MCF2L2: variants seen among roughly 807,000 people sequenced by gnomAD.
MCF2L2 encodes MCF.2 cell line derived transforming sequence-like 2, also known as probable guanine nucleotide exchange factor MCF2L2.
In MCF2L2, 102 loss-of-function variants were observed where a neutral mutation model predicts 150.2. The ratio of observed to expected loss-of-function variants is 0.68; its 90% CI spans 0.58 to 0.80. MCF2L2 has a LOEUF of 0.80. Ranked by LOEUF, MCF2L2 falls within the 30% of genes least tolerant of loss-of-function variation. The probability of loss-of-function intolerance (pLI) is 0.00; values close to 1 mark genes in which losing one functional copy is unlikely to be tolerated. For synonymous variants in MCF2L2, 465 were observed against 491.3 expected, an observed-to-expected ratio of 0.95 and a Z score of 0.71; for missense variants, 1,256 against 1,372.8, an observed-to-expected ratio of 0.91 and a Z score of 1.34.
chr3:183,252,925 G>A (rs550368679), intron 15 of MCF2L2, among the ~76,000 whole-genome samples: 2 of 152,318 alleles, frequency 1.3e-5, no homozygotes, highest in East Asian at 3.9e-4. Context: ...TCGTTGAGTA[G>A]AAGTCCGCAT....
chr3:183,220,069 T>C, intron 20 of MCF2L2, 145 bp from the exon 21 acceptor site: 1 of 633,680 alleles, frequency 1.6e-6, no homozygotes, highest in East Asian at 2.7e-5. Context: ...AGGGAAAGAA[T>C]AAATGATGTA....
intron 7 of MCF2L2, among the ~76,000 whole-genome samples, chr3:183,317,509 G>A (rs1729648432): frequency 6.6e-6 from 1 of 152,110 alleles, no homozygotes; most frequent in Non-Finnish European, 1.5e-5. Context: ...ATAGGTGCCT[G>A]ACCTTCAACT....
intron 22 of MCF2L2, among the ~76,000 whole-genome samples, chr3:183,212,124 A>G (rs866295884): frequency 6.6e-6 from 1 of 152,218 alleles, no homozygotes; most frequent in Non-Finnish European, 1.5e-5. Context: ...AACTCCAAGA[A>G]TTGCCGGCAG....
chr3:183,376,682 A>G (rs780972182), intron 3 of MCF2L2: 4 of 152,250 alleles, frequency 2.6e-5, no homozygotes, highest in African/African-American at 7.2e-5. Flanking sequence ...ACATGAGAAA[A>G]GCATAGACAT....
At chr3:183,301,793 C>CAAAAAAAAAAAAA (rs200514561) in intron 10 of MCF2L2, among the ~76,000 whole-genome samples, 2 of 124,348 alleles carry the variant, frequency 1.6e-5, no homozygotes, top group African/African-American at 6.0e-5. Context: ...GCTCTGTCTC[C>CAAAAAAAAAAAAA]AAAAAAAAAA....
intron 25 of MCF2L2, among the ~76,000 whole-genome samples, chr3:183,200,845 T>C (rs1203913135): frequency 1.3e-5 from 2 of 152,258 alleles, no homozygotes; most frequent in African/African-American, 4.8e-5. Flanking sequence ...TACATATGGC[T>C]AGCCAGTTTT....
Position 183,296,974 on chromosome 3 carries a change from AC to A in MCF2L2, c.1497+1del. 1 of 1,612,566 alleles carries A rather than the reference AC, an allele frequency of 6.2e-7. No homozygotes were observed. Among genetic ancestry groups the A allele is most frequent in the Non-Finnish European group, 8.5e-7 (1 of 1,179,020 alleles). Reference sequence around the variant, plus strand: ...AGGATCAAAATAACCCGGAAGCATTACCTTTGCATCGAGGGTGAGCAGCAAC... The same window carrying A: ...AGGATCAAAATAACCCGGAAGCATTACTTTGCATCGAGGGTGAGCAGCAAC... On this transcript the variant is annotated splice_donor_variant, in intron 12 of 29. Transcript: ENST00000328913. LOFTEE classifies it high-confidence loss of function.
intron 5 of MCF2L2, among the ~76,000 whole-genome samples, chr3:183,331,531 A>G (rs1730272167): frequency 6.6e-6 from 1 of 152,228 alleles, no homozygotes. Context: ...CGTTCTTTCA[A>G]AGAAATACAT....
At chr3:183,250,088 T>C (rs1274412743) in intron 15 of MCF2L2, among the ~76,000 whole-genome samples, 2 of 152,220 alleles carry the variant, frequency 1.3e-5, no homozygotes, top group East Asian at 3.8e-4. Flanking sequence ...AAAATACTAC[T>C]GACTGTTACT....
chr3:183,248,763 A>C (rs1401685568), intron 15 of MCF2L2, among the ~76,000 whole-genome samples: 1 of 152,192 alleles, frequency 6.6e-6, no homozygotes, highest in East Asian at 1.9e-4. Flanking sequence ...GCTTGAGCCT[A>C]GAAGGTCAAG....
chr3:183,268,099 T>C (rs956149079), intron 15 of MCF2L2, among the ~76,000 whole-genome samples: 2 of 152,214 alleles, frequency 1.3e-5, no homozygotes, highest in African/African-American at 2.4e-5. Context: ...AGGATGTCTG[T>C]AGACTTCATA....
chr3:183,249,635 T>C (rs1359904920), intron 15 of MCF2L2, among the ~76,000 whole-genome samples: 2 of 152,186 alleles, frequency 1.3e-5, no homozygotes, highest in Non-Finnish European at 2.9e-5. Flanking sequence ...TAGTGTGGTT[T>C]CATCAAACTG....
chr3:183,230,817 C>T lies in MCF2L2; in HGVS notation c.1929+134G>A, dbSNP rs1477617312. 5 of 637,070 alleles carry T rather than the reference C, an allele frequency of 7.8e-6. No individual in the cohort carries two copies. In the African/African-American group the frequency reaches 9.2e-5, roughly 12 times the overall value. The allele number at this position is 637,070 out of a possible 1,614,324, so 39.5% of individuals were successfully genotyped here. A position where few individuals can be genotyped will look rare whatever the true frequency, so the allele number is the denominator to read the frequency against. ...GATGTTCTTATTCCTACTGGAGACA[C>T]TTGTAATATTCTAAGACCTGAAACC... is the stretch of plus-strand genomic sequence containing the variant. On this transcript the variant is annotated intron_variant, in intron 16 of 29. Transcript: ENST00000328913.
Position 183,276,833 on chromosome 3 carries a change from AC to A in MCF2L2, c.1862+38del, listed in dbSNP as rs752580020. On this transcript the variant is annotated intron_variant, in intron 15 of 29. Coordinates refer to ENST00000328913, the MANE Select transcript of MCF2L2 (RefSeq NM_015078.4). ...AGGATCCTCGCCACCCATGCCCCGC[AC>A]CCCCTCGCCCCCTGCACCCACGGAT... is the stretch of plus-strand genomic sequence containing the variant. 4.1e-6 allele frequency: 6 copies of A among 1,467,178 alleles called. No homozygotes were observed. The South Asian group carries it at 6.0e-5, about 15-fold the overall frequency. 90.9% of individuals were successfully genotyped at this position (1,467,178 alleles called of 1,614,324 possible). A position where few individuals can be genotyped will look rare whatever the true frequency, so the allele number is the denominator to read the frequency against.
At chr3:183,388,978 A>G (rs911271052) in intron 2 of MCF2L2, among the ~76,000 whole-genome samples, 3 of 152,222 alleles carry the variant, frequency 2.0e-5, no homozygotes, top group Non-Finnish European at 4.4e-5. Context: ...AAAAGTTGAA[A>G]AGAGTAACTT....
chr3:183,250,666 G>A (rs113670435), intron 15 of MCF2L2, among the ~76,000 whole-genome samples: 11 of 152,282 alleles, frequency 7.2e-5, no homozygotes, highest in African/African-American at 2.4e-4. Flanking sequence ...GAGCATGTGT[G>A]CGGAGAAGAG....
At chr3:183,419,766 G>A (rs1374321012) in intron 1 of MCF2L2, among the ~76,000 whole-genome samples, 3 of 152,160 alleles carry the variant, frequency 2.0e-5, no homozygotes, top group Admixed American at 1.3e-4. Context: ...CCAGCTACTC[G>A]GGAGGCTGAA....
chr3:183,326,173 G>A (rs1309865871), intron 5 of MCF2L2, among the ~76,000 whole-genome samples: 21 of 151,988 alleles, frequency 1.4e-4, no homozygotes, highest in Admixed American at 1.1e-3. Context: ...ACACAAATAC[G>A]ATCAATTGAT....
chr3:183,214,846 T>G (rs980161646), intron 22 of MCF2L2, among the ~76,000 whole-genome samples: 1 of 147,142 alleles, frequency 6.8e-6, no homozygotes, highest in African/African-American at 2.6e-5. Context: ...AAAAAAAAAA[T>G]TAGCAAGGTG....
Sources: allele counts gnomAD v4.1 joint callset (sites outside exome capture counted in the v4.1 genomes callset), GRCh38; gene constraint gnomAD v4.1.1; transcripts MANE v1.5; gene names NCBI Gene and HGNC (gene_info 2026-07-23, HGNC 2026-07-21).